Variants in LRP1B observed in about 807,000 individuals in gnomAD.
LRP1B encodes the protein low-density lipoprotein receptor-related protein 1B.
In LRP1B, 217 loss-of-function variants were observed where a neutral mutation model predicts 556.6. The observed-to-expected ratio is 0.39, with a 90% CI of 0.35 to 0.44. LRP1B has a LOEUF of 0.44. Among genes scored for constraint, LRP1B ranks in the 20% least tolerant of loss-of-function variants. The pLI is 1.00. For missense variants in LRP1B, 5,053 were observed against 5,620.8 expected (o/e 0.90, Z 3.23); for synonymous variants, 2,047 against 1,865.8 (o/e 1.10, Z -2.50).
chr2:140,709,118 TGA>T (rs968003668), intron 37 of LRP1B, among the ~76,000 whole-genome samples: 46 of 152,198 alleles, frequency 3.0e-4, no homozygotes, highest in African/African-American at 1.1e-3. Context: ...CATGTTAATT[TGA>T]GTCTTTGCCA....
At chr2:141,564,854 G>C (rs934426476) in intron 2 of LRP1B, among the ~76,000 whole-genome samples, 1 of 151,916 alleles carries the variant, frequency 6.6e-6, no homozygotes, top group African/African-American at 2.4e-5. Flanking sequence ...ACTAAGAACA[G>C]TGCATTATAT....
At chr2:141,937,406 A>T (rs538567045) in intron 1 of LRP1B, among the ~76,000 whole-genome samples, 72 of 151,352 alleles carry the variant, frequency 4.8e-4, no homozygotes, top group South Asian at 2.7e-3. Flanking sequence ...ATAATAATAA[A>T]ATAAAAAATA....
chr2:141,291,855 C>CAAAAAAAAAAAA lies in LRP1B; in HGVS notation c.344-37226_344-37215dup, dbSNP rs143819331. 2.1e-4 allele frequency among the ~76,000 whole-genome samples: 21 copies of CAAAAAAAAAAAA among 99,318 alleles called. 1 individual carries two copies. Among genetic ancestry groups the CAAAAAAAAAAAA allele is most frequent in the African/African-American group, 3.2e-4 (7 of 22,206 alleles). The allele number at this position is 99,318 out of a possible 152,430, so 65.2% of individuals were successfully genotyped here. ...TGGGCGAAAGAGCGAGACTCTGTCT[C>CAAAAAAAAAAAA]AAAAAAAAAAAAAAAAAAAAAAAAA... is the stretch of plus-strand genomic sequence containing the variant. On this transcript the variant is annotated intron_variant, in intron 3 of 90. Transcript: ENST00000389484.
At chr2:140,314,760 C>G (rs1029595083) in intron 83 of LRP1B, among the ~76,000 whole-genome samples, 175 bp downstream of exon 83, 1 of 151,242 alleles carries the variant, frequency 6.6e-6, no homozygotes, top group African/African-American at 2.5e-5. Flanking sequence ...TTGGCTTGAA[C>G]TTTTATATAC....
intron 47 of LRP1B, among the ~76,000 whole-genome samples, chr2:140,533,429 C>T (rs540229081): frequency 7.9e-5 from 12 of 152,230 alleles, no homozygotes; most frequent in Non-Finnish European, 1.8e-4. Flanking sequence ...TTGGCTTCAT[C>T]ATCTATCCTA....
chr2:140,920,782 G>A (rs898055212), intron 21 of LRP1B, among the ~76,000 whole-genome samples: 2 of 151,856 alleles, frequency 1.3e-5, no homozygotes, highest in African/African-American at 4.8e-5. Context: ...TGAAACATAT[G>A]TTTTATCACA....
chr2:140,620,719 T>C (rs1470351736), intron 41 of LRP1B, among the ~76,000 whole-genome samples: 1 of 152,092 alleles, frequency 6.6e-6, no homozygotes, highest in Non-Finnish European at 1.5e-5. Context: ...TCTTAAATTA[T>C]AAATATTTAC....
chr2:141,706,742 T>TG (rs1692157177), intron 2 of LRP1B, among the ~76,000 whole-genome samples: 1 of 152,108 alleles, frequency 6.6e-6, no homozygotes, highest in Non-Finnish European at 1.5e-5. Flanking sequence ...CAAAAAAGTA[T>TG]GGATTATGTA....
chr2:140,500,371 T>A (rs1037924126), intron 55 of LRP1B, among the ~76,000 whole-genome samples: 1 of 151,914 alleles, frequency 6.6e-6, no homozygotes, highest in Non-Finnish European at 1.5e-5. Flanking sequence ...GGTTGTTTAG[T>A]TGAATTTACT....
chr2:140,300,184 A>G (rs1320187190), intron 83 of LRP1B, among the ~76,000 whole-genome samples: 1 of 152,152 alleles, frequency 6.6e-6, no homozygotes, highest in Non-Finnish European at 1.5e-5. Flanking sequence ...AATTATTTTA[A>G]AAGTTCTTAT....
intron 2 of LRP1B, among the ~76,000 whole-genome samples, chr2:141,758,121 T>C (rs1256987723): frequency 6.6e-6 from 1 of 152,194 alleles, no homozygotes; most frequent in Admixed American, 6.5e-5. Context: ...ATCATTAACC[T>C]ACATGAGTTG....
At chr2:141,740,147 A>G (rs950943216) in intron 2 of LRP1B, among the ~76,000 whole-genome samples, 8 of 152,204 alleles carry the variant, frequency 5.3e-5, no homozygotes, top group Admixed American at 6.5e-5. Flanking sequence ...TTTTGATAGC[A>G]TAATTGCACC....
intron 6 of LRP1B, 22 bp from the exon 7 acceptor site, chr2:141,188,605 T>C (rs146666152): frequency 4.4e-6 from 7 of 1,607,212 alleles, no homozygotes; most frequent in Non-Finnish European, 6.0e-6. Flanking sequence ...ATACACAAAA[T>C]CATTGAATCA....
At position 140,623,458 on chromosome 2, in the gene LRP1B, T is replaced by A. The variant is rs554659593; in HGVS notation, c.6800-21819A>T. ...AAAATTAAATATTTACTGAGACAAA[T>A]TATATCAAAAGGCATTATATCAAAG... On this transcript the variant is annotated intron_variant, in intron 41 of 90. Transcript: ENST00000389484. Among the ~76,000 whole-genome samples, 105 of 152,078 alleles carry A rather than the reference T, an allele frequency of 6.9e-4. 1 individual carries two copies. Among genetic ancestry groups the A allele is most frequent in the African/African-American group, 2.4e-3 (100 of 41,484 alleles).
chr2:140,601,412 T>C lies in LRP1B; in HGVS notation c.6989+38A>G, dbSNP rs1209386805. 4.2e-6 allele frequency: 6 copies of C among 1,436,932 alleles called. No individual in the cohort carries two copies. The East Asian group carries it at 7.1e-5, about 17-fold the overall frequency. The allele number at this position is 1,436,932 out of a possible 1,614,324, so 89.0% of individuals were successfully genotyped here. On this transcript the variant is annotated intron_variant, in intron 42 of 90. Transcript: ENST00000389484. Reference sequence around the variant, plus strand: ...AGAACTCTGATATTCTTTTGACTTATAACTATAATGAAGAAATAAAACTAC... The same window carrying C: ...AGAACTCTGATATTCTTTTGACTTACAACTATAATGAAGAAATAAAACTAC...
chr2:140,947,204 T>G (rs933867738), intron 20 of LRP1B, among the ~76,000 whole-genome samples: 2 of 152,128 alleles, frequency 1.3e-5, no homozygotes, highest in African/African-American at 4.8e-5. Context: ...TTTTTGAAAG[T>G]GATTTTAGAG....
chr2:141,029,379 G>C (rs922098556), intron 11 of LRP1B, among the ~76,000 whole-genome samples: 1 of 152,068 alleles, frequency 6.6e-6, no homozygotes, highest in African/African-American at 2.4e-5. Context: ...TGTGGGCCTT[G>C]AGTGTCCCTG....
intron 43 of LRP1B, among the ~76,000 whole-genome samples, chr2:140,566,979 G>A (rs1413132960): frequency 6.6e-6 from 1 of 152,154 alleles, no homozygotes; most frequent in Non-Finnish European, 1.5e-5. Context: ...CTGAGCTGAA[G>A]TGACACATTG....
intron 10 of LRP1B, among the ~76,000 whole-genome samples, chr2:141,051,695 T>G (rs1045832925): frequency 6.6e-6 from 1 of 152,092 alleles, no homozygotes; most frequent in African/African-American, 2.4e-5. Flanking sequence ...TATTTTAAAT[T>G]TTTAAAAGAG....
Sources: gnomAD v4.1 joint callset for allele counts (sites outside exome capture counted in the v4.1 genomes callset) on GRCh38, gnomAD v4.1.1 for gene constraint, MANE v1.5 for transcripts, NCBI Gene and HGNC (gene_info 2026-07-23, HGNC 2026-07-21) for gene names.